Variants in PGLYRP1 observed in about 807,000 individuals in gnomAD.
The protein encoded by PGLYRP1 is TNF superfamily, member 3 (LTB)-like (peptidoglycan recognition protein).
PGLYRP1 carries 18 observed loss-of-function variants against 16.3 expected under a neutral mutation model. The observed-to-expected ratio is 1.11, with a 90% confidence interval of 0.77 to 1.64. The LOEUF (loss-of-function observed/expected upper bound fraction) is 1.64. PGLYRP1 is among the 40% of genes most tolerant of loss of function. The pLI is 0.00. For missense variants in PGLYRP1, 261 were observed against 268.6 expected, an observed-to-expected ratio of 0.97 and a Z score of 0.20; for synonymous variants, 89 against 105.7, an observed-to-expected ratio of 0.84 and a Z score of 0.97.
At position 46,019,276 on chromosome 19, in the gene PGLYRP1, G is replaced by A; in HGVS notation, c.553C>T (p.His185Tyr). 1 of 1,613,950 alleles carries A rather than the reference G, an allele frequency of 6.2e-7. No individual in the cohort carries two copies. Among genetic ancestry groups the A allele is most frequent in the Non-Finnish European group, 8.5e-7 (1 of 1,179,932 alleles). The change falls in exon 3 of 3, where the codon CAC becomes TAC. Residue 185 changes from histidine to tyrosine, a missense_variant. Transcript: ENST00000008938. This position sits in a 1 kb window ranked among gnomAD's most constrained non-coding sequence, Gnocchi z 4.8. The part of the protein sequence containing the change: ...RTLSPGNQLY[H>Y]LIQNWPHYRS... ...TAGTGTGGCCAATTCTGGATGAGGT[G>A]GTAGAGCTGGTTGCCTGGAGAGAGT...
rs764071412 is a variant in PGLYRP1, at chr19:46,022,941, C to T, written c.81G>A (p.Pro27=). ...GGGGCACTATGGGGCTGCAGCAGGC[C>T]GGGTCTTCTGTCTCCTGAGCCGCTC... ...RLGAAQETED[P]ACCSPIVPRN... The change falls in exon 1 of 3, where the codon CCG becomes CCA. Residue 27 remains proline (P), a synonymous_variant. Coordinates refer to ENST00000008938, the MANE Select transcript of PGLYRP1 (RefSeq NM_005091.3). 11 of 1,609,618 alleles carry T rather than the reference C, an allele frequency of 6.8e-6. No individual in the cohort carries two copies. Among genetic ancestry groups the T allele is most frequent in the African/African-American group, 4.0e-5 (3 of 74,910 alleles).
In PGLYRP1 at chr19:46,019,628, C is replaced by A; in HGVS notation, c.307G>T (p.Gly103Trp). Residue 103 changes from glycine (G) to tryptophan (W), a missense_variant, in exon 2 of 3, where the codon GGG becomes TGG. Coordinates refer to ENST00000008938, the MANE Select transcript of PGLYRP1 (RefSeq NM_005091.3). This position sits in a 1 kb window ranked among gnomAD's most constrained non-coding sequence, Gnocchi z 4.8. ...VGYNFLIGEDGLVYEGRGWNF... is the reference protein window; with the variant it reads ...VGYNFLIGEDWLVYEGRGWNF... ...CAGCCACGGCCCTCGTATACGAGCCCGTCTTCTCCAATCAGGAAGCTGCAT... is the reference window on the plus strand; with the variant it reads ...CAGCCACGGCCCTCGTATACGAGCCAGTCTTCTCCAATCAGGAAGCTGCAT... The A allele has an allele frequency of 6.2e-7, 1 of 1,613,646 alleles. No homozygotes were observed.
In PGLYRP1 at chr19:46,019,208, G is replaced by A; in HGVS notation, c.*30C>T. 1.9e-6 allele frequency: 3 copies of A among 1,604,210 alleles called. No homozygotes were observed. The highest frequency in any genetic ancestry group is 2.2e-5 in the East Asian group (1 of 44,776). ...ACAGTGGGGTTTTTGGCCATGGGAG[G>A]GGAGGAATGGGGTGCGGATCAGCAG... On this transcript the variant is annotated 3_prime_UTR_variant, in exon 3 of 3. Coordinates refer to ENST00000008938, the MANE Select transcript of PGLYRP1 (RefSeq NM_005091.3). This position sits in a 1 kb window ranked among gnomAD's most constrained non-coding sequence, Gnocchi z 4.8.
intron 1 of PGLYRP1, chr19:46,021,252 A>G (rs1969041133): frequency 6.6e-6 from 1 of 152,224 alleles, no homozygotes; most frequent in South Asian, 2.1e-4. Flanking sequence ...AACACTTAGG[A>G]TCAGAGCGCC....
At position 46,019,731 on chromosome 19, in the gene PGLYRP1, TC is replaced by T; in HGVS notation, c.288-85del. 1 of 1,426,384 alleles carries T rather than the reference TC, an allele frequency of 7.0e-7. No homozygotes were observed. The highest frequency in any genetic ancestry group is 9.5e-7 in the Non-Finnish European group (1 of 1,052,486). The allele number at this position is 1,426,384 out of a possible 1,614,324, so 88.4% of individuals were successfully genotyped here. A position where few individuals can be genotyped will look rare whatever the true frequency, so the allele number is the denominator to read the frequency against. On this transcript the variant is annotated intron_variant, in intron 1 of 2. Coordinates refer to ENST00000008938, the MANE Select transcript of PGLYRP1 (RefSeq NM_005091.3). The surrounding 1 kb of genome is among the most constrained non-coding windows in gnomAD (Gnocchi z 4.8). The stretch of plus-strand genomic sequence containing the variant: ...TCCTCCTTCCTCCACTCACCCTGCC[TC>T]CGTTACTGCCGTGGTGCACACAACT...
Position 46,019,945 on chromosome 19 carries a change from G to A in PGLYRP1, c.288-298C>T, listed in dbSNP as rs1167609104. Reference sequence around the variant, plus strand: ...TCAGAGCGGTAGAATCACCTGCCCCGGGGTCACACAGCCTGTCTGGGGCAC... The same window carrying A: ...TCAGAGCGGTAGAATCACCTGCCCCAGGGTCACACAGCCTGTCTGGGGCAC... On this transcript the variant is annotated intron_variant, in intron 1 of 2. Coordinates refer to ENST00000008938, the MANE Select transcript of PGLYRP1 (RefSeq NM_005091.3). The surrounding 1 kb of genome is among the most constrained non-coding windows in gnomAD (Gnocchi z 4.8). 2.0e-5 allele frequency among the ~76,000 whole-genome samples: 3 copies of A among 152,068 alleles called. No homozygotes were observed. Among genetic ancestry groups the A allele is most frequent in the Non-Finnish European group, 2.9e-5 (2 of 68,012 alleles).
rs750595798 is a variant in PGLYRP1 at position 46,022,748 on chromosome 19, C to T, written c.274G>A (p.Asp92Asn). The T allele has an allele frequency of 2.5e-6, 4 of 1,614,050 alleles. No homozygotes were observed. Among genetic ancestry groups the T allele is most frequent in the African/African-American group, 1.3e-5 (1 of 74,950 alleles). ...TGCCACACTCACTTGTAGCCCACGT[C>T]GCACCAGCCCAGTGTCTTCATGTGG... ...HYHMKTLGWC[D>N]VGYNFLIGED... Residue 92 changes from aspartate (D) to asparagine (N), a missense_variant, in exon 1 of 3, where the codon GAC (aspartate) becomes AAC (asparagine). Physicochemically the swap from Asp to Asn is conservative, Grantham distance 23. Coordinates refer to ENST00000008938, the MANE Select transcript of PGLYRP1 (RefSeq NM_005091.3).
rs1969021740 is a variant in PGLYRP1 at position 46,019,613 on chromosome 19, C to G, written c.322G>C (p.Gly108Arg). The change falls in exon 2 of 3, where the codon GGC becomes CGC. Residue 108 changes from glycine (G) to arginine (R), a missense_variant. Coordinates refer to ENST00000008938, the MANE Select transcript of PGLYRP1 (RefSeq NM_005091.3). This position sits in a 1 kb window ranked among gnomAD's most constrained non-coding sequence, Gnocchi z 4.8. ...GCACCCGTGAAGTTCCAGCCACGGC[C>G]CTCGTATACGAGCCCGTCTTCTCCA... ...LIGEDGLVYE[G>R]RGWNFTGAHS... 2 of 1,613,962 alleles carry G rather than the reference C, an allele frequency of 1.2e-6. No homozygotes were observed. Among genetic ancestry groups the G allele is most frequent in the East Asian group, 4.5e-5 (2 of 44,858 alleles).
Position 46,019,343 on chromosome 19 carries a change from C to T in PGLYRP1, c.486G>A (p.Arg162=), listed in dbSNP as rs1453005415. Reference sequence around the variant, plus strand: ...GGTGTCCTTTGAGCACATAGTTGGACCTCAGGGCTCCCTGAGCCACACCGC... The same window carrying T: ...GGTGTCCTTTGAGCACATAGTTGGATCTCAGGGCTCCCTGAGCCACACCGC... ...LACGVAQGAL[R]SNYVLKGHRD... Residue 162 remains arginine (R), a synonymous_variant, in exon 3 of 3, where the codon AGG becomes AGA. Coordinates refer to ENST00000008938, the MANE Select transcript of PGLYRP1 (RefSeq NM_005091.3). This position sits in a 1 kb window ranked among gnomAD's most constrained non-coding sequence, Gnocchi z 4.8. 2 of 1,613,698 alleles carry T rather than the reference C, an allele frequency of 1.2e-6. No individual in the cohort carries two copies. Among genetic ancestry groups the T allele is most frequent in the South Asian group, 1.1e-5 (1 of 91,072 alleles).
In PGLYRP1 at chr19:46,019,668, G is replaced by C. The variant is rs764269496; in HGVS notation, c.288-21C>G. 5 of 1,608,196 alleles carry C rather than the reference G, an allele frequency of 3.1e-6. No individual in the cohort carries two copies. The highest frequency in any genetic ancestry group is 3.3e-5 in the Admixed American group (2 of 59,702). On this transcript the variant is annotated intron_variant, in intron 1 of 2. Coordinates refer to ENST00000008938, the MANE Select transcript of PGLYRP1 (RefSeq NM_005091.3). This position sits in a 1 kb window ranked among gnomAD's most constrained non-coding sequence, Gnocchi z 4.8. Reference sequence around the variant, plus strand: ...GGAAGCTGCATGGGGAGGTGGGGGGGCTTGATGAGTGAGGGAGGGTTTCCC... The same window carrying C: ...GGAAGCTGCATGGGGAGGTGGGGGGCCTTGATGAGTGAGGGAGGGTTTCCC...
At position 46,019,631 on chromosome 19, in the gene PGLYRP1, C is replaced by G. The variant is rs1259375632; in HGVS notation, c.304G>C (p.Asp102His). The part of the protein sequence containing the change: ...DVGYNFLIGE[D>H]GLVYEGRGWN... ...CCACGGCCCTCGTATACGAGCCCGT[C>G]TTCTCCAATCAGGAAGCTGCATGGG... Residue 102 changes from aspartate to histidine, a missense_variant, in exon 2 of 3, where the codon GAC (aspartate) becomes CAC (histidine). Transcript: ENST00000008938. This position sits in a 1 kb window ranked among gnomAD's most constrained non-coding sequence, Gnocchi z 4.8. 1.9e-6 allele frequency: 3 copies of G among 1,613,524 alleles called. No individual in the cohort carries two copies. The highest frequency in any genetic ancestry group is 1.7e-5 in the Admixed American group (1 of 59,998).
rs778620306 is a variant in PGLYRP1, at chr19:46,019,293, GGA to G, written c.534_535del (p.Pro179ArgfsTer22). 1.8e-5 allele frequency: 29 copies of G among 1,613,810 alleles called. No individual in the cohort carries two copies. The highest frequency in any genetic ancestry group is 2.3e-5 in the Non-Finnish European group (27 of 1,179,924). ...GATGAGGTGGTAGAGCTGGTTGCCT[GGA>G]GAGAGTGTACGCTGCACATCCCGGT... is the stretch of plus-strand genomic sequence containing the variant. On this transcript the variant is annotated frameshift_variant, in exon 3 of 3. Coordinates refer to ENST00000008938, the MANE Select transcript of PGLYRP1 (RefSeq NM_005091.3). LOFTEE classifies it low-confidence loss of function (END_TRUNC). The surrounding 1 kb of genome is among the most constrained non-coding windows in gnomAD (Gnocchi z 4.8).
At position 46,019,306 on chromosome 19, in the gene PGLYRP1, G is replaced by A. The variant is rs770961396; in HGVS notation, c.523C>T (p.Arg175Cys). 4.3e-6 allele frequency: 7 copies of A among 1,613,868 alleles called. No individual in the cohort carries two copies. The highest frequency in any genetic ancestry group is 2.2e-5 in the South Asian group (2 of 91,068). ...YVLKGHRDVQ[R>C]TLSPGNQLYH... Reference sequence around the variant, plus strand: ...AGCTGGTTGCCTGGAGAGAGTGTACGCTGCACATCCCGGTGTCCTTTGAGC... The same window carrying A: ...AGCTGGTTGCCTGGAGAGAGTGTACACTGCACATCCCGGTGTCCTTTGAGC... The change falls in exon 3 of 3, where the codon CGT becomes TGT. Residue 175 changes from arginine (R) to cysteine (C), a missense_variant. Transcript: ENST00000008938. The surrounding 1 kb of genome is among the most constrained non-coding windows in gnomAD (Gnocchi z 4.8).
At position 46,019,634 on chromosome 19, in the gene PGLYRP1, C is replaced by A. The variant is rs1318016261; in HGVS notation, c.301G>T (p.Glu101Ter). ...CGGCCCTCGTATACGAGCCCGTCTT[C>A]TCCAATCAGGAAGCTGCATGGGGAG... is the stretch of plus-strand genomic sequence containing the variant. ...CDVGYNFLIG[E>*]DGLVYEGRGW... Residue 101 changes from glutamate (E) to a stop codon, truncating the protein, a stop_gained, in exon 2 of 3, where the codon GAA becomes TAA. Transcript: ENST00000008938. LOFTEE classifies it high-confidence loss of function. This position sits in a 1 kb window ranked among gnomAD's most constrained non-coding sequence, Gnocchi z 4.8. The A allele has an allele frequency of 2.5e-6, 4 of 1,613,510 alleles. No individual in the cohort carries two copies. Among genetic ancestry groups the A allele is most frequent in the Non-Finnish European group, 3.4e-6 (4 of 1,179,908 alleles).
At position 46,022,722 on chromosome 19, in the gene PGLYRP1, C is replaced by T. The variant is rs776040302; in HGVS notation, c.287+13G>A. 2.7e-5 allele frequency: 44 copies of T among 1,613,720 alleles called. No homozygotes were observed. The highest frequency in any genetic ancestry group is 3.6e-5 in the Non-Finnish European group (43 of 1,179,882). The stretch of plus-strand genomic sequence containing the variant: ...GATCCCCAGTCCAGCCCGTGCCCCC[C>T]TGCCACACTCACTTGTAGCCCACGT... On this transcript the variant is annotated intron_variant, in intron 1 of 2. Transcript: ENST00000008938.
chr19:46,021,782 T>C lies in PGLYRP1; in HGVS notation c.287+953A>G, dbSNP rs534470556. 2.0e-4 allele frequency among the ~76,000 whole-genome samples: 31 copies of C among 152,326 alleles called. No homozygotes were observed. The South Asian group carries it at 5.6e-3, about 27-fold the overall frequency. ...TCACTGTGGTCCACAAAGCCCTGCCTGGTCCTGCCCTTTCCTCATTTCATT... is the reference window on the plus strand; with the variant it reads ...TCACTGTGGTCCACAAAGCCCTGCCCGGTCCTGCCCTTTCCTCATTTCATT... On this transcript the variant is annotated intron_variant, in intron 1 of 2. Coordinates refer to ENST00000008938, the MANE Select transcript of PGLYRP1 (RefSeq NM_005091.3).
rs1389518358 is a variant in PGLYRP1, at chr19:46,022,810, G to C, written c.212C>G (p.Ala71Gly). Reference sequence around the variant, plus strand: ...ATTCCGGGCCTGCTGCTGGCACGAGGCGGGGGTGTTGCAGCTGCTGCCCGC... The same window carrying C: ...ATTCCGGGCCTGCTGCTGGCACGAGCCGGGGGTGTTGCAGCTGCTGCCCGC... ...HTAGSSCNTP[A>G]SCQQQARNVQ... The change falls in exon 1 of 3, where the codon GCC becomes GGC. Residue 71 changes from alanine (A) to glycine (G), a missense_variant. Physicochemically the swap from Ala to Gly is moderately conservative, Grantham distance 60. Transcript: ENST00000008938. The C allele has an allele frequency of 3.1e-6, 5 of 1,613,956 alleles. No homozygotes were observed. Among genetic ancestry groups the C allele is most frequent in the Non-Finnish European group, 4.2e-6 (5 of 1,179,996 alleles).
chr19:46,021,809 C>T (rs566759662), intron 1 of PGLYRP1, among the ~76,000 whole-genome samples: 7 of 152,156 alleles, frequency 4.6e-5, no homozygotes, highest in Non-Finnish European at 1.5e-5. Context: ...CATTTCATTC[C>T]GCTCGCCCGG....
At position 46,022,895 on chromosome 19, in the gene PGLYRP1, C is replaced by G. The variant is rs1340961011; in HGVS notation, c.127G>C (p.Ala43Pro). The G allele has an allele frequency of 3.7e-6, 6 of 1,613,092 alleles. No homozygotes were observed. Among genetic ancestry groups the G allele is most frequent in the South Asian group, 1.1e-5 (1 of 90,870 alleles). Residue 43 changes from alanine to proline, a missense_variant, in exon 1 of 3, where the codon GCA becomes CCA. By Grantham distance (27) the Ala-to-Pro change is conservative (BLOSUM62 -1). Transcript: ENST00000008938. ...CTCAGGTGCTGGGCGCACTCTGATG[C>G]CAGGGCCTTCCACTCGTTCCGGGGC... ...IVPRNEWKAL[A>P]SECAQHLSLP...
Sources: allele counts gnomAD v4.1 joint callset (sites outside exome capture counted in the v4.1 genomes callset), GRCh38; gene constraint gnomAD v4.1.1; non-coding constraint Gnocchi (gnomAD v3.1); transcripts MANE v1.5; gene names NCBI Gene and HGNC (gene_info 2026-07-23, HGNC 2026-07-21).